HNRNPM: variants seen among roughly 807,000 people sequenced by gnomAD.
HNRNPM encodes CEA receptor.
HNRNPM carries 11 observed loss-of-function variants against 73.1 expected under a neutral mutation model. That is an observed-to-expected ratio of 0.15 (90% CI 0.09 to 0.25). The LOEUF is 0.25. HNRNPM is among the 10% of genes least tolerant of loss of function. The pLI is 1.00. For synonymous variants in HNRNPM, 407 were observed against 355.2 expected, an observed-to-expected ratio of 1.15 and a Z score of -1.64; for missense variants, 789 against 1,067.9, an observed-to-expected ratio of 0.74 and a Z score of 3.64.
rs1969947277 is a variant in HNRNPM at position 8,468,930 on chromosome 19, TAG to T, written c.895+97_895+98del. ...GGTTTCACTTGAACCTGTGCCAGGTTAGCCCTCAGTTCTCTTGGCCAGTTCTT... is the reference window on the plus strand; with the variant it reads ...GGTTTCACTTGAACCTGTGCCAGGTTCCCTCAGTTCTCTTGGCCAGTTCTT... On this transcript the variant is annotated intron_variant, in intron 9 of 15. Transcript: ENST00000325495. 1.5e-5 allele frequency: 14 copies of T among 965,398 alleles called. No homozygotes were observed. In the Admixed American group the frequency reaches 2.3e-4, roughly 16 times the overall value. The allele number at this position is 965,398 out of a possible 1,614,324, so 59.8% of individuals were successfully genotyped here.
At chr19:8,445,382 C>T (rs901012487) in intron 1 of HNRNPM, 5 of 340,992 alleles carry the variant, frequency 1.5e-5, no homozygotes, top group African/African-American at 4.2e-5. Flanking sequence ...TCAGGCCCAG[C>T]TGCTGCGCAT....
chr19:8,465,418 C>G lies in HNRNPM; in HGVS notation c.533C>G (p.Thr178Ser), dbSNP rs1002667903. Reference protein sequence around the residue: ...GMGPGGPGMITIPPSILNNPN... With the variant: ...GMGPGGPGMISIPPSILNNPN... ...GGACCAGGTGGCCCAGGAATGATTACTATCCCACCCAGTATCCTAAATAAT... is the reference window on the plus strand; with the variant it reads ...GGACCAGGTGGCCCAGGAATGATTAGTATCCCACCCAGTATCCTAAATAAT... Residue 178 changes from threonine (T) to serine (S), a missense_variant, in exon 6 of 16, where the codon ACT becomes AGT. Physicochemically the swap from Thr to Ser is moderately conservative, Grantham distance 58 (BLOSUM62 1). This residue lies in a region of HNRNPM where 604 missense variants were observed against 744.0 expected (regional missense o/e 0.81). Transcript: ENST00000325495. 2 of 1,613,750 alleles carry G rather than the reference C, an allele frequency of 1.2e-6. No homozygotes were observed. The highest frequency in any genetic ancestry group is 2.7e-5 in the African/African-American group (2 of 74,916).
At chr19:8,469,853 G>A (rs752071963) in intron 9 of HNRNPM, among the ~76,000 whole-genome samples, 5 of 152,240 alleles carry the variant, frequency 3.3e-5, no homozygotes, top group Non-Finnish European at 7.3e-5. Flanking sequence ...TTGGATGGGA[G>A]CCCAGGCCAG....
chr19:8,478,288 A>G (rs1970657118), intron 12 of HNRNPM, among the ~76,000 whole-genome samples: 1 of 152,122 alleles, frequency 6.6e-6, no homozygotes, highest in African/African-American at 2.4e-5. Context: ...GAAGAGTTAA[A>G]CATGCTGACT....
intron 2 of HNRNPM, among the ~76,000 whole-genome samples, chr19:8,456,113 G>GA (rs1297216152): frequency 3.3e-5 from 5 of 152,096 alleles, no homozygotes; most frequent in East Asian, 1.9e-4. Context: ...TCCCCTCTGG[G>GA]AAAAAATAGA....
In HNRNPM at chr19:8,485,671, GGCATGGAGC is replaced by G. The variant is rs771901171; in HGVS notation, c.1250_1258del (p.Glu417_Met419del). On this transcript the variant is annotated inframe_deletion, in exon 14 of 16. Transcript: ENST00000325495. ...TGGCATTGACCGCCTCGGGGGTGCC[GGCATGGAGC>G]GCATGGGCGCGGGCCTGGGCCACGG... 3.2e-5 allele frequency: 51 copies of G among 1,608,088 alleles called. No individual in the cohort carries two copies. The African/African-American group carries it at 6.4e-4, about 20-fold the overall frequency.
At chr19:8,474,932 C>T (rs961668543) in intron 12 of HNRNPM, among the ~76,000 whole-genome samples, 1 of 152,172 alleles carries the variant, frequency 6.6e-6, no homozygotes, top group African/African-American at 2.4e-5. Flanking sequence ...CCAGGCTGGC[C>T]TCGAACTCCT....
At chr19:8,466,840 A>AG (rs983954318) in intron 7 of HNRNPM, among the ~76,000 whole-genome samples, 1 of 150,856 alleles carries the variant, frequency 6.6e-6, no homozygotes, top group Non-Finnish European at 1.5e-5. Context: ...AAAAAAAAAA[A>AG]AAAAAAAAAA....
chr19:8,455,129 C>T (rs767890363), intron 1 of HNRNPM, among the ~76,000 whole-genome samples: 1 of 152,116 alleles, frequency 6.6e-6, no homozygotes, highest in Non-Finnish European at 1.5e-5. Context: ...TGCACCACCA[C>T]ACCTGGCTAA....
intron 12 of HNRNPM, among the ~76,000 whole-genome samples, chr19:8,478,562 A>G (rs1282069316): frequency 6.6e-6 from 1 of 152,148 alleles, no homozygotes; most frequent in African/African-American, 2.4e-5. Context: ...GGTTTACCTG[A>G]TGTCCCTGCT....
intron 10 of HNRNPM, among the ~76,000 whole-genome samples, chr19:8,473,456 GT>G (rs1173907465): frequency 4.4e-4 from 65 of 148,532 alleles, no homozygotes; most frequent in Non-Finnish European, 2.8e-4. Context: ...GCAATACTGT[GT>G]TTAAAAAAAA....
chr19:8,458,143 G>C (rs1338413535), intron 2 of HNRNPM, among the ~76,000 whole-genome samples: 2 of 152,162 alleles, frequency 1.3e-5, no homozygotes, highest in Non-Finnish European at 2.9e-5. Context: ...ACTCCGGGGG[G>C]AGATTGTCTC....
Position 8,487,100 on chromosome 19 carries a change from G to A in HNRNPM, c.2029+25G>A, listed in dbSNP as rs1400366918. On this transcript the variant is annotated intron_variant, in intron 15 of 15. Coordinates refer to ENST00000325495, the MANE Select transcript of HNRNPM (RefSeq NM_005968.5). ...GGTAAGTGTTGGGAACGGCTTTGTA[G>A]GTGCTTCCCTCGTGCTTGTTGGTGA... 5.0e-6 allele frequency: 8 copies of A among 1,599,780 alleles called. No homozygotes were observed. In the South Asian group the frequency reaches 8.8e-5, roughly 18 times the overall value.
At chr19:8,482,828 G>A (rs770781169) in intron 12 of HNRNPM, 5 of 202,144 alleles carry the variant, frequency 2.5e-5, no homozygotes, top group Non-Finnish European at 4.0e-5. Context: ...GAAAACTGCC[G>A]CTGAGCGAGA....
intron 15 of HNRNPM, chr19:8,487,756 T>G (rs1400530604): frequency 6.6e-6 from 1 of 152,602 alleles, no homozygotes; most frequent in Non-Finnish European, 1.5e-5. Context: ...TCACCACCAT[T>G]GCTGCTTCTC....
chr19:8,484,551 C>CGT (rs1599853350), intron 13 of HNRNPM, among the ~76,000 whole-genome samples: 1 of 152,370 alleles, frequency 6.6e-6, no homozygotes, highest in East Asian at 1.9e-4. Flanking sequence ...AGTTCTGAGA[C>CGT]GTCTCCCCTC....
At chr19:8,479,821 C>G (rs1420079407) in intron 12 of HNRNPM, among the ~76,000 whole-genome samples, 3 of 134,150 alleles carry the variant, frequency 2.2e-5, no homozygotes, top group African/African-American at 8.6e-5. Context: ...ATTGCCCAGG[C>G]TGGAGTGCAG....
chr19:8,458,236 C>G (rs973075229), intron 2 of HNRNPM, among the ~76,000 whole-genome samples: 1 of 152,186 alleles, frequency 6.6e-6, no homozygotes, highest in Non-Finnish European at 1.5e-5. Flanking sequence ...TAGCATTTAG[C>G]AGCATTCTAG....
chr19:8,482,956 G>C (rs1047287336), intron 12 of HNRNPM: 5 of 547,570 alleles, frequency 9.1e-6, no homozygotes, highest in Non-Finnish European at 1.6e-5. Context: ...GAGCTACGTG[G>C]GGTCTTGGCA....
Sources: allele counts gnomAD v4.1 joint callset (sites outside exome capture counted in the v4.1 genomes callset), GRCh38; gene constraint gnomAD v4.1.1; regional missense constraint gnomAD v4.1.1; transcripts MANE v1.5; gene names NCBI Gene and HGNC (gene_info 2026-07-23, HGNC 2026-07-21).